Variants in EDEM2 observed in about 807,000 individuals in gnomAD.
EDEM2 encodes the protein ER degradation-enhancing alpha-mannosidase-like protein 2.
A neutral mutation model predicts 64.8 loss-of-function variants in EDEM2; 39 were observed. The observed-to-expected ratio is 0.60, with a 90% confidence interval of 0.47 to 0.79. The LOEUF is 0.79. EDEM2 is among the 30% of genes least tolerant of loss of function. The probability of loss-of-function intolerance (pLI) is 0.00; values close to 1 mark genes in which losing one functional copy is unlikely to be tolerated. For synonymous variants in EDEM2, 296 were observed against 291.5 expected (o/e 1.02, Z -0.16); for missense variants, 609 against 731.3 (o/e 0.83, Z 1.93).
intron 7 of EDEM2, among the ~76,000 whole-genome samples, chr20:35,129,135 G>A (rs559054022): frequency 3.3e-5 from 5 of 152,172 alleles, no homozygotes; most frequent in African/African-American, 9.6e-5. Flanking sequence ...GGCCAGGCAC[G>A]GTGGCTCACG....
At chr20:35,147,067 G>T in intron 1 of EDEM2, 85 bp downstream of exon 1, 4 of 1,547,212 alleles carry the variant, frequency 2.6e-6, no homozygotes, top group Non-Finnish European at 3.5e-6. Flanking sequence ...GTCGGAGCAA[G>T]TCGGGGTCTG....
chr20:35,115,957 A>C, intron 10 of EDEM2, 24 bp from the exon 11 acceptor site: 1 of 1,604,146 alleles, frequency 6.2e-7, no homozygotes, highest in Non-Finnish European at 8.5e-7. Flanking sequence ...GAAGGAAGCA[A>C]GCTGGAACAC....
Position 35,118,607 on chromosome 20 carries a change from TC to T in EDEM2, c.1226del (p.Gly409AspfsTer26), listed in dbSNP as rs2085334814. 1.9e-6 allele frequency: 3 copies of T among 1,613,982 alleles called. No homozygotes were observed. Among genetic ancestry groups the T allele is most frequent in the Non-Finnish European group, 1.7e-6 (2 of 1,179,968 alleles). On this transcript the variant is annotated frameshift_variant, in exon 10 of 11. Transcript: ENST00000374492. LOFTEE classifies it high-confidence loss of function. ...SIEKISKVEC[G>X]FATIKDLRDH... ...CCATGCAAACACTTACTGTTGCAAA[TC>T]CGCACTCCACCTTGCTGATTTTTTC...
intron 8 of EDEM2, 150 bp downstream of exon 8, chr20:35,126,101 T>C: frequency 9.6e-7 from 1 of 1,040,724 alleles, no homozygotes; most frequent in Non-Finnish European, 1.4e-6. Flanking sequence ...ATCTATCTAA[T>C]TCACTCTAGG....
At chr20:35,145,588 G>A (rs1429764343) in intron 2 of EDEM2, among the ~76,000 whole-genome samples, 1 of 152,198 alleles carries the variant, frequency 6.6e-6, no homozygotes, top group South Asian at 2.1e-4. Context: ...AAAAAGACAT[G>A]CTGACAGAAA....
chr20:35,126,834 C>T (rs902821016), intron 7 of EDEM2, among the ~76,000 whole-genome samples: 1 of 152,114 alleles, frequency 6.6e-6, no homozygotes, highest in Non-Finnish European at 1.5e-5. Flanking sequence ...ATTGCTTGAA[C>T]CCAGGAGGCG....
chr20:35,134,608 G>T, intron 6 of EDEM2, 130 bp downstream of exon 6: 3 of 1,015,032 alleles, frequency 3.0e-6, no homozygotes, highest in Non-Finnish European at 4.3e-6. Context: ...TATTTTTGGT[G>T]TCCTGAGCCC....
intron 9 of EDEM2, among the ~76,000 whole-genome samples, chr20:35,121,177 T>C (rs1041245207): frequency 1.3e-5 from 2 of 152,192 alleles, no homozygotes; most frequent in East Asian, 3.8e-4. Flanking sequence ...CATTGTAATA[T>C]ATAATGAAAT....
chr20:35,118,660 G>C lies in EDEM2; in HGVS notation c.1174C>G (p.Leu392Val). The C allele has an allele frequency of 6.2e-7, 1 of 1,613,802 alleles. No individual in the cohort carries two copies. Among genetic ancestry groups the C allele is most frequent in the Admixed American group, 1.7e-5 (1 of 60,020 alleles). ...RATGDPTLLE[L>V]GRDAVESIEK... ...ATGGATTCCACAGCATCTCTTCCGAGTTCTAGGAGGGTGGGATCCCCCGTG... is the reference window on the plus strand; with the variant it reads ...ATGGATTCCACAGCATCTCTTCCGACTTCTAGGAGGGTGGGATCCCCCGTG... The change falls in exon 10 of 11, where the codon CTC becomes GTC. Residue 392 changes from leucine (L) to valine (V), a missense_variant. Coordinates refer to ENST00000374492, the MANE Select transcript of EDEM2 (RefSeq NM_018217.3).
At position 35,136,475 on chromosome 20, in the gene EDEM2, G is replaced by A. The variant is rs577333346; in HGVS notation, c.490+1405C>T. ...AAGTGCTATGTGAGAAGGATAAAGAGGCCGGGTGTGGTGGCTCACGCCTGT... is the reference window on the plus strand; with the variant it reads ...AAGTGCTATGTGAGAAGGATAAAGAAGCCGGGTGTGGTGGCTCACGCCTGT... On this transcript the variant is annotated intron_variant, in intron 5 of 10. Transcript: ENST00000374492. Among the ~76,000 whole-genome samples the A allele has an allele frequency of 2.6e-5, 4 of 152,258 alleles. No individual in the cohort carries two copies. In the Middle Eastern group the frequency reaches 0.014, roughly 518 times the overall value.
chr20:35,123,797 G>A (rs1302240540), intron 9 of EDEM2, 93 bp downstream of exon 9: 3 of 1,446,148 alleles, frequency 2.1e-6, no homozygotes, highest in Admixed American at 2.0e-5. Context: ...ATGAACTTGT[G>A]GGCAGTTGTG....
chr20:35,139,661 A>G (rs1445600919), intron 4 of EDEM2, among the ~76,000 whole-genome samples: 1 of 151,612 alleles, frequency 6.6e-6, no homozygotes, highest in Non-Finnish European at 1.5e-5. Flanking sequence ...GAAAAAAAAA[A>G]AAAAAGAAAA....
intron 7 of EDEM2, 84 bp from the exon 8 acceptor site, chr20:35,126,459 C>A: frequency 1.3e-6 from 2 of 1,522,894 alleles, no homozygotes; most frequent in Admixed American, 1.9e-5. Context: ...CGAGAACTTA[C>A]ACTTTGGAAA....
At chr20:35,138,756 A>T (rs1569181736) in intron 4 of EDEM2, among the ~76,000 whole-genome samples, 1 of 145,116 alleles carries the variant, frequency 6.9e-6, no homozygotes, top group African/African-American at 2.5e-5. Context: ...ATTTTTTTGG[A>T]TTTTTTTTTT....
At chr20:35,142,535 A>AT in intron 3 of EDEM2, 57 bp from the exon 4 acceptor site, 2 of 1,329,926 alleles carry the variant, frequency 1.5e-6, no homozygotes, top group Non-Finnish European at 2.1e-6. Flanking sequence ...AGGCAGATTC[A>AT]GAGTCTGGGA....
chr20:35,126,229 C>G (rs754203343), intron 8 of EDEM2, 22 bp downstream of exon 8: 1 of 1,608,254 alleles, frequency 6.2e-7, no homozygotes, highest in South Asian at 1.1e-5. Flanking sequence ...GAAAGATGAT[C>G]ACATTCTTTG....
intron 7 of EDEM2, among the ~76,000 whole-genome samples, chr20:35,130,276 C>A (rs1277770538): frequency 6.6e-6 from 1 of 151,968 alleles, no homozygotes; most frequent in Non-Finnish European, 1.5e-5. Flanking sequence ...CACCATGTTG[C>A]CCAGGCTGAT....
At chr20:35,124,722 A>C (rs2085410284) in intron 8 of EDEM2, among the ~76,000 whole-genome samples, 1 of 152,084 alleles carries the variant, frequency 6.6e-6, no homozygotes, top group Non-Finnish European at 1.5e-5. Context: ...TTTATGCATG[A>C]GTATATGTTA....
rs1341706295 is a variant in EDEM2, at chr20:35,144,999, CAATT to C, written c.234_237del (p.Ile79MetfsTer7). On this transcript the variant is annotated frameshift_variant, in exon 3 of 11. Transcript: ENST00000374492. LOFTEE classifies it high-confidence loss of function. ...CTTACCAGCAAGGTGTCCAGTGCAT[CAATT>C]AGAGTCAGAGAAAAACTGCAAAAGG... 1.2e-5 allele frequency: 19 copies of C among 1,614,032 alleles called. No homozygotes were observed. The highest frequency in any genetic ancestry group is 2.2e-5 in the East Asian group (1 of 44,870).
Sources: gnomAD v4.1 joint callset for allele counts (sites outside exome capture counted in the v4.1 genomes callset) on GRCh38, gnomAD v4.1.1 for gene constraint, MANE v1.5 for transcripts, NCBI Gene and HGNC (gene_info 2026-07-23, HGNC 2026-07-21) for gene names.